The following CCSER1 variants were observed in gnomAD, a reference collection of about 807,000 sequenced individuals.
CCSER1 encodes the protein serine-rich coiled-coil domain-containing protein 1.
A neutral mutation model predicts 82.0 loss-of-function variants in CCSER1; 41 were observed. The ratio of observed to expected loss-of-function variants is 0.50; its 90% CI spans 0.39 to 0.65. The LOEUF is 0.65. Among genes scored for constraint, CCSER1 ranks in the 30% least tolerant of loss-of-function variants. The pLI, the probability that CCSER1 is intolerant of heterozygous loss-of-function variation, is 0.00. For synonymous variants in CCSER1, 414 were observed against 383.9 expected (o/e 1.08, Z -0.92); for missense variants, 1,119 against 1,064.2 (o/e 1.05, Z -0.72).
At chr4:90,643,249 T>C (rs1726898242) in intron 6 of CCSER1, among the ~76,000 whole-genome samples, 1 of 152,100 alleles carries the variant, frequency 6.6e-6, no homozygotes, top group Non-Finnish European at 1.5e-5. Flanking sequence ...AACTAAGTTG[T>C]AGTGTGAAAG....
intron 8 of CCSER1, among the ~76,000 whole-genome samples, chr4:90,893,722 G>A (rs569178999): frequency 4.4e-4 from 66 of 151,718 alleles, no homozygotes; most frequent in African/African-American, 1.6e-3. Flanking sequence ...AGCAATCCAT[G>A]CAAGTTGGAC....
At chr4:91,253,936 C>T (rs955727828) in intron 10 of CCSER1, among the ~76,000 whole-genome samples, 7 of 152,012 alleles carry the variant, frequency 4.6e-5, no homozygotes, top group South Asian at 4.1e-4. Flanking sequence ...TTAAGGGGGA[C>T]GGTGCTAAAC....
chr4:91,185,800 G>A (rs1032483615), intron 10 of CCSER1, among the ~76,000 whole-genome samples: 4 of 152,116 alleles, frequency 2.6e-5, no homozygotes, highest in African/African-American at 9.7e-5. Context: ...GTATGACCAT[G>A]CTTCCCACAG....
At chr4:91,482,258 C>T (rs1298040751) in intron 10 of CCSER1, among the ~76,000 whole-genome samples, 3 of 123,956 alleles carry the variant, frequency 2.4e-5, no homozygotes, top group Non-Finnish European at 5.0e-5. Flanking sequence ...AAAAATTAGC[C>T]GGGCGCGGTG....
chr4:90,935,229 G>C (rs1045476865), intron 9 of CCSER1, among the ~76,000 whole-genome samples: 2 of 151,954 alleles, frequency 1.3e-5, no homozygotes, highest in African/African-American at 4.8e-5. Flanking sequence ...GGGGGTGTTT[G>C]GATCATGAGA....
At chr4:90,880,490 A>G (rs1721141370) in intron 8 of CCSER1, among the ~76,000 whole-genome samples, 1 of 152,088 alleles carries the variant, frequency 6.6e-6, no homozygotes, top group African/African-American at 2.4e-5. Context: ...AGCTTATTGG[A>G]GGTGTAGGTA....
intron 7 of CCSER1, among the ~76,000 whole-genome samples, chr4:90,749,132 T>C (rs1468427024): frequency 2.0e-5 from 3 of 151,824 alleles, no homozygotes; most frequent in Admixed American, 6.6e-5. Context: ...TCCTGAATGG[T>C]AATGCCTAGG....
chr4:91,483,316 C>G (rs1003700241), intron 10 of CCSER1, among the ~76,000 whole-genome samples: 1 of 152,094 alleles, frequency 6.6e-6, no homozygotes, highest in Non-Finnish European at 1.5e-5. Flanking sequence ...GGTCTGAGGT[C>G]AGAATGAAGG....
chr4:91,599,018 C>T lies in CCSER1; in HGVS notation c.2664C>T (p.His888=). The change falls in exon 11 of 11, where the codon CAC becomes CAT. Residue 888 remains histidine, a synonymous_variant. Coordinates refer to ENST00000509176, the MANE Select transcript of CCSER1 (RefSeq NM_001145065.2). ...ATGTGTTTCTCCACCACAATTTACA[C>T]AGCACTGAGCTGCAAACTCTAGGCC... ...RKNVFLHHNL[H]STELQTLGQQ... 6.5e-7 allele frequency: 1 copy of T among 1,549,190 alleles called. No individual in the cohort carries two copies.
chr4:90,811,997 T>C (rs1040920932), intron 7 of CCSER1, among the ~76,000 whole-genome samples: 41 of 77,844 alleles, frequency 5.3e-4, no homozygotes, highest in African/African-American at 1.5e-3. Context: ...TATAAACACA[T>C]ATATATATAT....
chr4:91,474,548 G>A (rs1302951040), intron 10 of CCSER1, among the ~76,000 whole-genome samples: 1 of 151,156 alleles, frequency 6.6e-6, no homozygotes. Flanking sequence ...GAAGACTAAT[G>A]CCAATGAGGA....
At chr4:90,695,900 G>T (rs1316950243) in intron 6 of CCSER1, among the ~76,000 whole-genome samples, 2 of 151,894 alleles carry the variant, frequency 1.3e-5, no homozygotes, top group Non-Finnish European at 2.9e-5. Flanking sequence ...TTTAGAAATA[G>T]AGATGACACA....
At chr4:90,331,149 T>C (rs1739204140) in intron 3 of CCSER1, among the ~76,000 whole-genome samples, 1 of 152,060 alleles carries the variant, frequency 6.6e-6, no homozygotes, top group African/African-American at 2.4e-5. Context: ...GCAAGCCTAT[T>C]TTACTGAAAC....
intron 1 of CCSER1, among the ~76,000 whole-genome samples, chr4:90,288,688 T>A (rs1164349377): frequency 6.6e-6 from 1 of 151,992 alleles, no homozygotes; most frequent in Non-Finnish European, 1.5e-5. Flanking sequence ...TACATAGGCA[T>A]GGATACCTTT....
intron 10 of CCSER1, among the ~76,000 whole-genome samples, chr4:91,139,609 T>A (rs1331835631): frequency 6.6e-6 from 1 of 152,162 alleles, no homozygotes; most frequent in Non-Finnish European, 1.5e-5. Context: ...CCTGAAGTGT[T>A]CTGATTAATA....
intron 10 of CCSER1, among the ~76,000 whole-genome samples, chr4:91,432,421 A>G (rs960479874): frequency 3.9e-5 from 6 of 152,148 alleles, no homozygotes; most frequent in Admixed American, 1.3e-4. Flanking sequence ...CATGAAGAGG[A>G]TTTGCATATT....
chr4:90,747,077 G>C (rs1322084518), intron 7 of CCSER1, among the ~76,000 whole-genome samples: 1 of 151,988 alleles, frequency 6.6e-6, no homozygotes, highest in Non-Finnish European at 1.5e-5. Context: ...AGAGAGAAGA[G>C]AAAAGGAGGG....
chr4:90,163,167 T>C (rs1454540705), intron 1 of CCSER1, among the ~76,000 whole-genome samples: 1 of 152,166 alleles, frequency 6.6e-6, no homozygotes, highest in Non-Finnish European at 1.5e-5. Context: ...CATATATGTT[T>C]ATGTTTTTCT....
chr4:90,591,012 A>C (rs896838744), intron 5 of CCSER1, among the ~76,000 whole-genome samples: 1 of 152,076 alleles, frequency 6.6e-6, no homozygotes, highest in African/African-American at 2.4e-5. Flanking sequence ...GAGGTCCTTC[A>C]CGTCCCTTGT....
Sources: gnomAD v4.1 joint callset for allele counts (sites outside exome capture counted in the v4.1 genomes callset) on GRCh38, gnomAD v4.1.1 for gene constraint, MANE v1.5 for transcripts, NCBI Gene and HGNC (gene_info 2026-07-23, HGNC 2026-07-21) for gene names.